UTRN: variants seen among roughly 807,000 people sequenced by gnomAD.
UTRN encodes the protein utrophin, also known as dystrophin-related protein 1.
In UTRN, 283 loss-of-function variants were observed where a neutral mutation model predicts 463.9. That is an observed-to-expected ratio of 0.61 (90% confidence interval 0.55 to 0.67). The LOEUF (loss-of-function observed/expected upper bound fraction) is 0.67, where lower values mean the gene tolerates loss of function less well. Among genes scored for constraint, UTRN ranks in the 30% least tolerant of loss-of-function variants. The pLI is 0.00. For synonymous variants in UTRN, 1,442 were observed against 1,431.5 expected (o/e 1.01, Z -0.17); for missense variants, 3,922 against 4,084.3 (o/e 0.96, Z 1.08).
intron 26 of UTRN, among the ~76,000 whole-genome samples, chr6:144,481,616 T>A (rs1298595215): frequency 6.6e-6 from 1 of 152,248 alleles, no homozygotes; most frequent in Admixed American, 6.5e-5. Context: ...ATTCTGATCT[T>A]GGACCCAGAC....
chr6:144,830,267 AG>A (rs1306280504), intron 69 of UTRN, among the ~76,000 whole-genome samples: 1 of 152,154 alleles, frequency 6.6e-6, no homozygotes, highest in Non-Finnish European at 1.5e-5. Flanking sequence ...AAAAGAAAAA[AG>A]TCAGAAGATT....
intron 53 of UTRN, among the ~76,000 whole-genome samples, chr6:144,707,489 TG>T (rs1785213976): frequency 6.6e-6 from 1 of 152,184 alleles, no homozygotes. Context: ...TTAATCTCAC[TG>T]GACTCAGTGA....
At chr6:144,850,067 G>T (rs1253793873) in intron 74 of UTRN, among the ~76,000 whole-genome samples, 1 of 152,180 alleles carries the variant, frequency 6.6e-6, no homozygotes, top group African/African-American at 2.4e-5. Flanking sequence ...ACCCATCAGT[G>T]TTTGCTGAAT....
At chr6:144,496,641 GAT>G (rs1410546299) in intron 33 of UTRN, among the ~76,000 whole-genome samples, 1 of 152,212 alleles carries the variant, frequency 6.6e-6, no homozygotes, top group African/African-American at 2.4e-5. Context: ...GATGAGGAAA[GAT>G]ATAAATTATC....
At chr6:144,641,114 G>T (rs904436317) in intron 51 of UTRN, among the ~76,000 whole-genome samples, 2 of 152,088 alleles carry the variant, frequency 1.3e-5, no homozygotes, top group Non-Finnish European at 2.9e-5. Context: ...CAGGGTTAAG[G>T]ATGCACCTAT....
chr6:144,662,222 C>T (rs141503318), intron 51 of UTRN, among the ~76,000 whole-genome samples: 151 of 152,178 alleles, frequency 9.9e-4, no homozygotes, highest in African/African-American at 3.4e-3. Flanking sequence ...AAATCCTTTG[C>T]GTATTCTTAC....
chr6:144,813,551 TAA>T (rs1014250340), intron 65 of UTRN, among the ~76,000 whole-genome samples: 1 of 152,164 alleles, frequency 6.6e-6, no homozygotes, highest in Non-Finnish European at 1.5e-5. Context: ...GTTACATTTA[TAA>T]AGAGACATTT....
Position 144,426,478 on chromosome 6 carries a change from T to C in UTRN, c.578+19T>C. Reference sequence around the variant, plus strand: ...GACATAAGTGAGACATTACTCTATCTAGAAGTGGGCTTTACAAATTCATGT... The same window carrying C: ...GACATAAGTGAGACATTACTCTATCCAGAAGTGGGCTTTACAAATTCATGT... On this transcript the variant is annotated intron_variant, in intron 7 of 74. Transcript: ENST00000367545. 1.9e-6 allele frequency: 3 copies of C among 1,601,980 alleles called. No homozygotes were observed. The highest frequency in any genetic ancestry group is 2.6e-6 in the Non-Finnish European group (3 of 1,172,934).
intron 50 of UTRN, among the ~76,000 whole-genome samples, chr6:144,573,150 C>G (rs1425569930): frequency 6.6e-6 from 1 of 151,988 alleles, no homozygotes; most frequent in East Asian, 1.9e-4. Context: ...GTTTGTTGGC[C>G]GCATAAATGT....
At chr6:144,653,160 T>C (rs1440758400) in intron 51 of UTRN, among the ~76,000 whole-genome samples, 1 of 152,212 alleles carries the variant, frequency 6.6e-6, no homozygotes, top group African/African-American at 2.4e-5. Context: ...ATTATAGATC[T>C]TTACAGAAAT....
At chr6:144,483,483 C>T (rs1337297528) in intron 27 of UTRN, among the ~76,000 whole-genome samples, 1 of 152,142 alleles carries the variant, frequency 6.6e-6, no homozygotes, top group Non-Finnish European at 1.5e-5. Flanking sequence ...TGCTCTGTCA[C>T]CTATGCTGGA....
chr6:144,490,919 C>T lies in UTRN; in HGVS notation c.4264-10C>T, dbSNP rs368906741. 51 of 1,572,528 alleles carry T rather than the reference C, an allele frequency of 3.2e-5. No homozygotes were observed. The African/African-American group carries it at 6.5e-4, about 20-fold the overall frequency. ...TGATGGGAATTGCATATTTTCATTT[C>T]TGCAAACAGAGGAAACTCCGAGAGG... On this transcript the variant is annotated splice_polypyrimidine_tract_variant and intron_variant, in intron 31 of 74. Coordinates refer to ENST00000367545, the MANE Select transcript of UTRN (RefSeq NM_007124.3).
At chr6:144,411,189 G>A (rs1047945646) in intron 3 of UTRN, among the ~76,000 whole-genome samples, 9 of 152,218 alleles carry the variant, frequency 5.9e-5, no homozygotes, top group African/African-American at 1.7e-4. Flanking sequence ...TTCCAGCAGC[G>A]TTCCCTTTTC....
chr6:144,849,427 A>T (rs1782295879), intron 74 of UTRN, among the ~76,000 whole-genome samples: 1 of 152,218 alleles, frequency 6.6e-6, no homozygotes, highest in African/African-American at 2.4e-5. Context: ...AATTTAAAGC[A>T]GAAAATTATC....
chr6:144,733,342 C>T (rs947756612), intron 54 of UTRN, among the ~76,000 whole-genome samples: 1 of 152,128 alleles, frequency 6.6e-6, no homozygotes, highest in South Asian at 2.1e-4. Context: ...CACGGTGAAA[C>T]CCCGTCTCTA....
intron 3 of UTRN, among the ~76,000 whole-genome samples, chr6:144,420,208 G>A (rs1784713103): frequency 6.6e-6 from 1 of 152,182 alleles, no homozygotes; most frequent in Admixed American, 6.5e-5. Flanking sequence ...TTGACAGGAA[G>A]TGGGACTGTT....
intron 2 of UTRN, among the ~76,000 whole-genome samples, chr6:144,401,571 A>G (rs931091073): frequency 6.6e-6 from 1 of 152,146 alleles, no homozygotes; most frequent in South Asian, 2.1e-4. Flanking sequence ...CACCATTAAT[A>G]TCAAGGAGTT....
At chr6:144,414,141 A>T (rs957117189) in intron 3 of UTRN, among the ~76,000 whole-genome samples, 26 of 151,848 alleles carry the variant, frequency 1.7e-4, no homozygotes, top group South Asian at 8.3e-4. Context: ...AAAAAAAAAA[A>T]AGTTAACTAC....
chr6:144,301,536 C>CTTTTTTTTTTT (rs200484231), intron 2 of UTRN, among the ~76,000 whole-genome samples: 4 of 92,744 alleles, frequency 4.3e-5, no homozygotes, highest in Non-Finnish European at 8.5e-5. Flanking sequence ...TTCTTTCTTT[C>CTTTTTTTTTTT]TTTTTTTTTT....
Sources: allele counts gnomAD v4.1 joint callset (sites outside exome capture counted in the v4.1 genomes callset), GRCh38; gene constraint gnomAD v4.1.1; transcripts MANE v1.5; gene names NCBI Gene and HGNC (gene_info 2026-07-23, HGNC 2026-07-21).